Variants in RELB observed in about 807,000 individuals in gnomAD.
The protein encoded by RELB is RELB proto-oncogene, NF-kB subunit, also known as transcription factor RelB.
RELB carries 14 observed loss-of-function variants against 55.4 expected under a neutral mutation model. That is an observed-to-expected ratio of 0.25 (90% CI 0.17 to 0.40). The LOEUF (loss-of-function observed/expected upper bound fraction) is 0.40, where lower values mean the gene tolerates loss of function less well. RELB is among the 10% of genes least tolerant of loss of function. The probability of loss-of-function intolerance (pLI) is 1.00; values close to 1 mark genes in which losing one functional copy is unlikely to be tolerated. For synonymous variants in RELB, 409 were observed against 371.3 expected (o/e 1.10, Z -1.17); for missense variants, 669 against 830.7 (o/e 0.81, Z 2.39).
At chr19:45,023,671 C>G (rs1021732945) in intron 5 of RELB, among the ~76,000 whole-genome samples, 2 of 150,552 alleles carry the variant, frequency 1.3e-5, no homozygotes, top group Non-Finnish European at 3.0e-5. Flanking sequence ...ATCTCCTGAC[C>G]TCGTGATCCG....
chr19:45,015,989 T>G, intron 4 of RELB, among the ~76,000 whole-genome samples: 1 of 151,772 alleles, frequency 6.6e-6, no homozygotes, highest in Non-Finnish European at 1.5e-5. Context: ...GTCCATATTT[T>G]ATTTTATTTT....
rs368908382 is a variant in RELB, at chr19:45,033,033, G to C, written c.1207+284G>C. Among the ~76,000 whole-genome samples, 159 of 152,228 alleles carry C rather than the reference G, an allele frequency of 1.0e-3. 1 individual carries two copies. Among genetic ancestry groups the C allele is most frequent in the African/African-American group, 3.6e-3 (149 of 41,554 alleles). On this transcript the variant is annotated intron_variant, in intron 9 of 11. Transcript: ENST00000221452. ...CCTGCACATGCCCGGGCCTGTGCTC[G>C]GTATTGCTAGAGACACAGCAGTGAC...
intron 8 of RELB, among the ~76,000 whole-genome samples, chr19:45,032,064 C>G (rs181641912): frequency 6.6e-6 from 1 of 151,506 alleles, no homozygotes. Context: ...GGTGAAACCC[C>G]GTCTCTATTA....
intron 7 of RELB, among the ~76,000 whole-genome samples, chr19:45,028,194 T>C (rs1181469848): frequency 6.6e-6 from 1 of 151,870 alleles, no homozygotes; most frequent in Non-Finnish European, 1.5e-5. Context: ...ATTTTTTTTT[T>C]CTTTTTTGAG....
chr19:45,003,774 A>G (rs1417876774), intron 2 of RELB, among the ~76,000 whole-genome samples: 1 of 151,824 alleles, frequency 6.6e-6, no homozygotes, highest in African/African-American at 2.4e-5. Context: ...TCCAAGCAGT[A>G]TCTGGCACAC....
chr19:45,004,490 C>T (rs1286406536), intron 2 of RELB, among the ~76,000 whole-genome samples: 1 of 151,340 alleles, frequency 6.6e-6, no homozygotes, highest in South Asian at 2.1e-4. Flanking sequence ...TCCCAAAGTG[C>T]TGGGATTACA....
At position 45,012,033 on chromosome 19, in the gene RELB, T is replaced by G. The variant is rs2122414115; in HGVS notation, c.261T>G (p.Ala87=). ...TGCCACGCCTGGTGTCTCGCGGGGC[T>G]GCGTCCCTGAGCACGGTCACCCTGG... ...EGLPRLVSRG[A]ASLSTVTLGP... The change falls in exon 4 of 12, where the codon GCT becomes GCG. Residue 87 remains alanine, a synonymous_variant. Coordinates refer to ENST00000221452, the MANE Select transcript of RELB (RefSeq NM_006509.4). 6.4e-7 allele frequency: 1 copy of G among 1,570,646 alleles called. No homozygotes were observed. The highest frequency in any genetic ancestry group is 1.2e-5 in the South Asian group (1 of 86,098).
intron 1 of RELB, among the ~76,000 whole-genome samples, 193 bp downstream of exon 1, chr19:45,001,878 T>C (rs1335900571): frequency 6.6e-6 from 1 of 152,048 alleles, no homozygotes; most frequent in Non-Finnish European, 1.5e-5. Context: ...GGCCCGAGGT[T>C]CGAGCGAGGC....
At chr19:45,034,183 TAAAG>T (rs2122494231) in intron 9 of RELB, 57 bp from the exon 10 acceptor site, 3 of 1,037,174 alleles carry the variant, frequency 2.9e-6, no homozygotes, top group South Asian at 3.1e-5. Flanking sequence ...AATAAATAAA[TAAAG>T]GAATTAATTA....
At chr19:45,014,194 G>A (rs1971395213) in intron 4 of RELB, among the ~76,000 whole-genome samples, 1 of 138,750 alleles carries the variant, frequency 7.2e-6, no homozygotes, top group Admixed American at 7.5e-5. Flanking sequence ...TTTGGAGACA[G>A]GGTCTCTCTC....
At position 45,003,013 on chromosome 19, in the gene RELB, A is replaced by C. The variant is rs2122377457; in HGVS notation, c.154+17A>C. 1.2e-5 allele frequency: 19 copies of C among 1,611,244 alleles called. No homozygotes were observed. The highest frequency in any genetic ancestry group is 1.5e-5 in the Non-Finnish European group (18 of 1,178,836). On this transcript the variant is annotated intron_variant, in intron 2 of 11. Transcript: ENST00000221452. ...GGAGCACAGGTGAGCAGCCCTCCACAGTTCCTGCCCACTCGCTCATGCAGG... is the reference window on the plus strand; with the variant it reads ...GGAGCACAGGTGAGCAGCCCTCCACCGTTCCTGCCCACTCGCTCATGCAGG...
At position 45,022,276 on chromosome 19, in the gene RELB, C is replaced by G. The variant is rs1416976080; in HGVS notation, c.662+66C>G. On this transcript the variant is annotated intron_variant, in intron 5 of 11. Transcript: ENST00000221452. ...GGAGATTCTAAGCGACTGGAGGCCA[C>G]CCATGAAACTTTAGAGCAGAGGGCA... is the stretch of plus-strand genomic sequence containing the variant. 4.8e-6 allele frequency: 7 copies of G among 1,465,688 alleles called. No individual in the cohort carries two copies. In the South Asian group the frequency reaches 7.8e-5, roughly 16 times the overall value. The allele number at this position is 1,465,688 out of a possible 1,614,324, so 90.8% of individuals were successfully genotyped here.
rs1464112686 is a variant in RELB, at chr19:45,011,931, C to T, written c.164-5C>T. ...CGTCACCACCCGTTTTTTCTTCTCC[C>T]GCAGAGATCATCGACGAGTACATCA... is the stretch of plus-strand genomic sequence containing the variant. On this transcript the variant is annotated splice_polypyrimidine_tract_variant and splice_region_variant and intron_variant, in intron 3 of 11. Transcript: ENST00000221452. The T allele has an allele frequency of 6.6e-7, 1 of 1,505,864 alleles. No individual in the cohort carries two copies. Among genetic ancestry groups the T allele is most frequent in the Admixed American group, 2.5e-5 (1 of 40,776 alleles). 93.3% of individuals were successfully genotyped at this position (1,505,864 alleles called of 1,614,324 possible).
chr19:45,022,044 T>C lies in RELB; in HGVS notation c.505-9T>C. The C allele has an allele frequency of 6.2e-7, 1 of 1,603,790 alleles. No homozygotes were observed. Among genetic ancestry groups the C allele is most frequent in the Non-Finnish European group, 8.5e-7 (1 of 1,174,356 alleles). On this transcript the variant is annotated splice_polypyrimidine_tract_variant and intron_variant, in intron 4 of 11. Coordinates refer to ENST00000221452, the MANE Select transcript of RELB (RefSeq NM_006509.4). The stretch of plus-strand genomic sequence containing the variant: ...ATGGGACCCCCAAAGAGGACTTCTC[T>C]TCCTGCAGCTCCGGGATTGTGGAGG...
chr19:45,025,189 A>G (rs1971542825), intron 5 of RELB, 140 bp from the exon 6 acceptor site: 2 of 655,482 alleles, frequency 3.1e-6, no homozygotes, highest in African/African-American at 3.6e-5. Context: ...GACCGTTTCT[A>G]ATGCTGGGAC....
chr19:45,022,547 CTTT>C (rs35661437), intron 5 of RELB, among the ~76,000 whole-genome samples: 1,698 of 125,776 alleles, frequency 0.014, 33 homozygotes, highest in African/African-American at 0.044. Flanking sequence ...TACAATTCAT[CTTT>C]TTTTTTTTTT....
At chr19:45,004,483 CA>C (rs1971258603) in intron 2 of RELB, among the ~76,000 whole-genome samples, 3 of 151,324 alleles carry the variant, frequency 2.0e-5, no homozygotes, top group Admixed American at 2.0e-4. Flanking sequence ...CTCGGCCTCC[CA>C]AAGTGCTGGG....
chr19:45,022,346 GC>G, intron 5 of RELB, 136 bp downstream of exon 5: 1 of 833,502 alleles, frequency 1.2e-6, no homozygotes, highest in South Asian at 1.8e-5. Flanking sequence ...TGGGAGACAG[GC>G]CTGGGGACAG....
chr19:45,020,413 G>A (rs998288979), intron 4 of RELB, among the ~76,000 whole-genome samples: 6 of 151,218 alleles, frequency 4.0e-5, no homozygotes, highest in South Asian at 2.1e-4. Context: ...TTATAGAGAC[G>A]GGGTTGCCCA....
Sources: allele counts gnomAD v4.1 joint callset (sites outside exome capture counted in the v4.1 genomes callset), GRCh38; gene constraint gnomAD v4.1.1; transcripts MANE v1.5; gene names NCBI Gene and HGNC (gene_info 2026-07-23, HGNC 2026-07-21).